GPHN: variants seen among roughly 807,000 people sequenced by gnomAD.
GPHN encodes gephyrin.
In GPHN, 17 loss-of-function variants were observed where a neutral mutation model predicts 95.5. The ratio of observed to expected loss-of-function variants is 0.18; its 90% CI spans 0.12 to 0.27. GPHN has a LOEUF of 0.27. GPHN is among the 10% of genes least tolerant of loss of function. The probability of loss-of-function intolerance (pLI) is 1.00; values close to 1 mark genes in which losing one functional copy is unlikely to be tolerated. For synonymous variants in GPHN, 320 were observed against 322.5 expected (o/e 0.99, Z 0.08); for missense variants, 660 against 978.1 (o/e 0.67, Z 4.34).
At chr14:67,197,827 C>G in the GPHN span, among the ~76,000 whole-genome samples, 3 of 152,110 alleles carry the variant, frequency 2.0e-5, no homozygotes, top group African/African-American at 7.2e-5. Flanking sequence ...TAGGTGTCTC[C>G]AGCCCTATAC....
chr14:66,715,269 G>T (rs1217928491), intron 2 of GPHN, among the ~76,000 whole-genome samples: 1 of 152,054 alleles, frequency 6.6e-6, no homozygotes, highest in Non-Finnish European at 1.5e-5. Context: ...GCACATTAAG[G>T]TGTCCGTAGT....
At chr14:66,991,278 A>G (rs2013137) in intron 9 of GPHN, among the ~76,000 whole-genome samples, 38,374 of 151,994 alleles carry the variant, frequency 0.25, 8,019 homozygotes, top group African/African-American at 0.54. Context: ...GCAGAATTTT[A>G]CTACCTTAAT....
chr14:66,821,767 G>A (rs2061200455), intron 3 of GPHN, among the ~76,000 whole-genome samples: 1 of 152,128 alleles, frequency 6.6e-6, no homozygotes, highest in African/African-American at 2.4e-5. Context: ...CATGAAGTCT[G>A]CCATATATCA....
chr14:67,377,960 A>G, the GPHN span, among the ~76,000 whole-genome samples: 4 of 151,862 alleles, frequency 2.6e-5, no homozygotes, highest in African/African-American at 9.7e-5. Context: ...AAAAAAAATT[A>G]AAAGTAGCCA....
At chr14:67,047,717 G>A (rs1422959492) in intron 10 of GPHN, among the ~76,000 whole-genome samples, 2 of 152,140 alleles carry the variant, frequency 1.3e-5, no homozygotes, top group African/African-American at 4.8e-5. Context: ...GGTCATGGTG[G>A]CTCACACCTG....
At chr14:67,380,042 T>C in the GPHN span, among the ~76,000 whole-genome samples, 28,900 of 152,114 alleles carry the variant, frequency 0.19, 4,404 homozygotes, top group East Asian at 0.48. Flanking sequence ...CAGGCATGAG[T>C]CACTGGTGCC....
the GPHN span, among the ~76,000 whole-genome samples, chr14:67,490,010 G>T: frequency 0.62 from 93,901 of 151,226 alleles, 29,602 homozygotes; most frequent in African/African-American, 0.73. Flanking sequence ...AAAAAATTCT[G>T]TCTATGTGTC....
chr14:67,567,287 T>C, the GPHN span, among the ~76,000 whole-genome samples: 456 of 152,276 alleles, frequency 3.0e-3, 3 homozygotes, highest in Non-Finnish European at 4.5e-3. Context: ...AATCTGACGG[T>C]GTGAGAAATA....
At chr14:66,886,276 C>A (rs977287398) in intron 5 of GPHN, among the ~76,000 whole-genome samples, 14 of 152,008 alleles carry the variant, frequency 9.2e-5, no homozygotes, top group Non-Finnish European at 1.5e-4. Context: ...TATTAACAGC[C>A]CTCCCTTTTT....
intron 5 of GPHN, among the ~76,000 whole-genome samples, chr14:66,899,130 T>G (rs988937524): frequency 2.6e-5 from 4 of 151,538 alleles, no homozygotes; most frequent in East Asian, 1.9e-4. Context: ...TTCTTTTTTT[T>G]TTTTTTGTTT....
At chr14:67,531,186 C>T in the GPHN span, among the ~76,000 whole-genome samples, 1 of 152,124 alleles carries the variant, frequency 6.6e-6, no homozygotes. Flanking sequence ...GAGGCTGAGG[C>T]AGAAGGACTG....
the GPHN span, among the ~76,000 whole-genome samples, chr14:67,496,391 G>GTT: frequency 6.3e-4 from 19 of 30,104 alleles, 5 homozygotes; most frequent in African/African-American, 9.1e-4. Flanking sequence ...CTGCTCCGGC[G>GTT]TTTTTTTTTT....
the GPHN span, chr14:67,397,718 T>A: frequency 1.2e-6 from 2 of 1,613,570 alleles, no homozygotes; most frequent in Non-Finnish European, 1.7e-6. Context: ...TCCAGGAGGA[T>A]CCGGCCCTTG....
Position 67,122,237 on chromosome 14 carries a change from T to C in GPHN, c.1627-19T>C. The C allele has an allele frequency of 6.2e-7, 1 of 1,612,496 alleles. No individual in the cohort carries two copies. Among genetic ancestry groups the C allele is most frequent in the South Asian group, 1.1e-5 (1 of 91,024 alleles). ...ATTAACCTAATAGAATAATTTGTGG[T>C]GGTTTTTTGGCTTTGTAGCTGCTAA... On this transcript the variant is annotated intron_variant, in intron 16 of 22. Transcript: ENST00000478722.
At chr14:67,060,379 T>G (rs2075778411) in intron 11 of GPHN, among the ~76,000 whole-genome samples, 1 of 152,156 alleles carries the variant, frequency 6.6e-6, no homozygotes. Context: ...TTGTCAAGTG[T>G]TTCCACCTAT....
the GPHN span, among the ~76,000 whole-genome samples, chr14:67,732,075 C>G: frequency 6.8e-6 from 1 of 147,320 alleles, no homozygotes; most frequent in Non-Finnish European, 1.5e-5. Context: ...TGCAGTAAGC[C>G]GAGATCACTC....
chr14:67,262,437 G>T, the GPHN span, among the ~76,000 whole-genome samples: 1 of 152,064 alleles, frequency 6.6e-6, no homozygotes, highest in Non-Finnish European at 1.5e-5. Flanking sequence ...AGACTCAGTT[G>T]ACATACTCAG....
chr14:67,473,981 G>A, the GPHN span: 5 of 1,518,444 alleles, frequency 3.3e-6, no homozygotes, highest in South Asian at 3.9e-5. The surrounding 1 kb of genome is among the most constrained non-coding windows in gnomAD (Gnocchi z 6.5). Flanking sequence ...GGCCGGGCGC[G>A]GTGGCTCACG....
chr14:67,616,044 G>A, the GPHN span: 1 of 304,038 alleles, frequency 3.3e-6, no homozygotes, highest in Non-Finnish European at 6.5e-6. Context: ...AGAAGAGGAA[G>A]AAGAGGGAGA....
Sources: gnomAD v4.1 joint callset for allele counts (sites outside exome capture counted in the v4.1 genomes callset) on GRCh38, gnomAD v4.1.1 for gene constraint, Gnocchi (gnomAD v3.1) non-coding constraint, MANE v1.5 for transcripts, NCBI Gene and HGNC (gene_info 2026-07-23, HGNC 2026-07-21) for gene names.